Variants in SPG11 observed in about 807,000 individuals in gnomAD.
SPG11 encodes the protein SPG11 vesicle trafficking associated, spatacsin.
SPG11 carries 222 observed loss-of-function variants against 274.0 expected under a neutral mutation model. That is an observed-to-expected ratio of 0.81 (90% CI 0.73 to 0.91). The LOEUF (loss-of-function observed/expected upper bound fraction) is 0.91. Ranked by LOEUF, SPG11 falls within the 40% of genes least tolerant of loss-of-function variation. SPG11 has a pLI of 0.00. For missense variants in SPG11, 3,114 were observed against 2,872.7 expected (o/e 1.08, Z -1.92); for synonymous variants, 1,144 against 1,039.7 (o/e 1.10, Z -1.93).
At chr15:44,616,949 A>G (rs1279833896) in intron 15 of SPG11, among the ~76,000 whole-genome samples, 1 of 152,142 alleles carries the variant, frequency 6.6e-6, no homozygotes, top group South Asian at 2.1e-4. Flanking sequence ...ATCTTTTCCT[A>G]TATTGATTAG....
rs1277935331 is a variant in SPG11 at position 44,622,790 on chromosome 15, C to T, written c.2254G>A (p.Val752Ile). 1.2e-6 allele frequency: 2 copies of T among 1,613,466 alleles called. No individual in the cohort carries two copies. Among genetic ancestry groups the T allele is most frequent in the South Asian group, 2.2e-5 (2 of 91,070 alleles). ...CAGATCTTGAGCAATTGGCCTTTTA[C>T]ATCAAACCCCTAAAATAAACATAGA... is the stretch of plus-strand genomic sequence containing the variant. ...SELLKNMGFDVKGQLLKICFY... is the reference protein window; with the variant it reads ...SELLKNMGFDIKGQLLKICFY... Residue 752 changes from valine to isoleucine, a missense_variant, in exon 12 of 40, where the codon GTA (valine) becomes ATA (isoleucine). Coordinates refer to ENST00000261866, the MANE Select transcript of SPG11 (RefSeq NM_025137.4).
intron 23 of SPG11, 113 bp from the exon 24 acceptor site, chr15:44,597,056 G>C: frequency 1.1e-6 from 1 of 910,820 alleles, no homozygotes; most frequent in Non-Finnish European, 1.7e-6. Flanking sequence ...AAAGCACAGT[G>C]TATTCTCCAA....
intron 7 of SPG11, among the ~76,000 whole-genome samples, chr15:44,636,925 CAAAAAAAAAAA>C (rs370928375): frequency 1.5e-4 from 3 of 19,454 alleles, no homozygotes; most frequent in African/African-American, 3.1e-4. Context: ...GACTCCATCT[CAAAAAAAAAAA>C]AAAAAAAAAA....
chr15:44,573,433 A>G (rs1255116184), intron 32 of SPG11, 114 bp downstream of exon 32: 2 of 1,151,538 alleles, frequency 1.7e-6, no homozygotes, highest in African/African-American at 3.1e-5. Context: ...ACTGCAATCC[A>G]GAAACTTGAG....
At chr15:44,565,831 C>T (rs769986384) in intron 38 of SPG11, 23 bp downstream of exon 38, 2 of 1,613,742 alleles carry the variant, frequency 1.2e-6, no homozygotes, top group Non-Finnish European at 1.7e-6. Context: ...GCAGTGCTGG[C>T]TACAGTTTGC....
chr15:44,627,061 C>G (rs2083921200), intron 10 of SPG11, among the ~76,000 whole-genome samples: 1 of 152,146 alleles, frequency 6.6e-6, no homozygotes, highest in South Asian at 2.1e-4. Flanking sequence ...GATCCATCAT[C>G]ATGAGCCTTG....
chr15:44,565,517 A>G (rs1308500121), intron 38 of SPG11, among the ~76,000 whole-genome samples: 1 of 152,172 alleles, frequency 6.6e-6, no homozygotes, highest in African/African-American at 2.4e-5. Flanking sequence ...TTGCTTGCCC[A>G]GTGCTCACTT....
At chr15:44,566,039 G>A in intron 37 of SPG11, 30 bp from the exon 38 acceptor site, 1 of 1,612,942 alleles carries the variant, frequency 6.2e-7, no homozygotes. Context: ...AGGCACAGTA[G>A]AGAAAGACCT....
intron 17 of SPG11, 52 bp from the exon 18 acceptor site, chr15:44,611,037 T>G (rs1372468042): frequency 7.0e-7 from 1 of 1,420,178 alleles, no homozygotes; most frequent in African/African-American, 1.7e-5. Context: ...AATACTAAAT[T>G]AAGGATTACA....
At position 44,583,996 on chromosome 15, in the gene SPG11, C is replaced by T; in HGVS notation, c.5684G>A (p.Ser1895Asn). 5.6e-6 allele frequency: 9 copies of T among 1,614,230 alleles called. No homozygotes were observed. The highest frequency in any genetic ancestry group is 7.6e-6 in the Non-Finnish European group (9 of 1,180,040). The change falls in exon 30 of 40, where the codon AGT (serine) becomes AAT (asparagine). Residue 1895 changes from serine to asparagine, a missense_variant. Ser to Asn is a conservative substitution (Grantham distance 46). Coordinates refer to ENST00000261866, the MANE Select transcript of SPG11 (RefSeq NM_025137.4). ...LLDDGCVHEA[S>N]RVCRYFHFYN... ...AAAATGAAAATACCGGCATACTCTACTTGCTTCATGCACACAGCCATCATC... is the reference window on the plus strand; with the variant it reads ...AAAATGAAAATACCGGCATACTCTATTTGCTTCATGCACACAGCCATCATC...
chr15:44,594,911 G>A (rs969375307), intron 26 of SPG11, among the ~76,000 whole-genome samples: 1 of 152,228 alleles, frequency 6.6e-6, no homozygotes, highest in Non-Finnish European at 1.5e-5. Flanking sequence ...CCACCTCCCA[G>A]GTTCAAGCAA....
chr15:44,578,663 T>G lies in SPG11; in HGVS notation c.5867-3622A>C, dbSNP rs897403379. Reference sequence around the variant, plus strand: ...GTCACAGATTGACCACTAGGTGGCGTGCACACACAGGACAGATCTGAATAC... The same window carrying G: ...GTCACAGATTGACCACTAGGTGGCGGGCACACACAGGACAGATCTGAATAC... On this transcript the variant is annotated intron_variant, in intron 30 of 39. Transcript: ENST00000261866. 1.1e-4 allele frequency among the ~76,000 whole-genome samples: 16 copies of G among 152,122 alleles called. 1 individual carries two copies. Among genetic ancestry groups the G allele is most frequent in the Non-Finnish European group, 2.4e-4 (16 of 68,022 alleles).
At chr15:44,647,907 AT>A (rs2084652227) in intron 7 of SPG11, among the ~76,000 whole-genome samples, 1 of 152,162 alleles carries the variant, frequency 6.6e-6, no homozygotes, top group East Asian at 1.9e-4. Flanking sequence ...TGGGTATGTG[AT>A]TTATATCTCA....
At chr15:44,572,906 T>TA (rs2082452483) in intron 32 of SPG11, 86 bp from the exon 33 acceptor site, 1 of 1,387,252 alleles carries the variant, frequency 7.2e-7, no homozygotes, top group African/African-American at 1.4e-5. Flanking sequence ...AGGTAATGCT[T>TA]ATGGAGCTCT....
chr15:44,576,033 T>A (rs2082528714), intron 30 of SPG11, among the ~76,000 whole-genome samples: 1 of 149,606 alleles, frequency 6.7e-6, no homozygotes, highest in South Asian at 2.1e-4. Context: ...TCCCAGCTAC[T>A]CAGGAGGCTG....
At chr15:44,627,567 CAAA>C (rs900675806) in intron 10 of SPG11, among the ~76,000 whole-genome samples, 1 of 149,782 alleles carries the variant, frequency 6.7e-6, no homozygotes, top group African/African-American at 2.4e-5. Flanking sequence ...AAAAAGGAGA[CAAA>C]AAAGTAGAAG....
At chr15:44,565,281 C>T (rs1327707067) in intron 38 of SPG11, among the ~76,000 whole-genome samples, 2 of 152,180 alleles carry the variant, frequency 1.3e-5, no homozygotes, top group Admixed American at 6.5e-5. Context: ...TGTCTTAAGG[C>T]AGTGGTCCCC....
At chr15:44,633,441 A>C (rs1175252617) in intron 8 of SPG11, 64 bp downstream of exon 8, 1 of 1,391,000 alleles carries the variant, frequency 7.2e-7, no homozygotes, top group African/African-American at 1.4e-5. Context: ...ACAACATCAT[A>C]CTTTGAAAGT....
intron 36 of SPG11, chr15:44,567,209 G>T (rs930217030): frequency 6.1e-6 from 3 of 495,364 alleles, no homozygotes; most frequent in African/African-American, 2.0e-5. Context: ...AAATTAGCCG[G>T]GTGTGGTGGC....
Sources: allele counts gnomAD v4.1 joint callset (sites outside exome capture counted in the v4.1 genomes callset), GRCh38; gene constraint gnomAD v4.1.1; transcripts MANE v1.5; gene names NCBI Gene and HGNC (gene_info 2026-07-23, HGNC 2026-07-21).